RANBP2: variants seen among roughly 807,000 people sequenced by gnomAD.
RANBP2 encodes the protein RAN binding protein 2, also known as E3 SUMO-protein ligase RanBP2.
A neutral mutation model predicts 303.6 loss-of-function variants in RANBP2; 57 were observed. The ratio of observed to expected loss-of-function variants is 0.19; its 90% CI spans 0.15 to 0.23. The LOEUF is 0.23. Among genes scored for constraint, RANBP2 ranks in the 10% least tolerant of loss-of-function variants. The pLI, the probability that RANBP2 is intolerant of heterozygous loss-of-function variation, is 1.00. For missense variants in RANBP2, 3,138 were observed against 3,780.8 expected, an observed-to-expected ratio of 0.83 and a Z score of 4.46; for synonymous variants, 1,167 against 1,301.5, an observed-to-expected ratio of 0.90 and a Z score of 2.23.
At chr2:109,469,519 T>G in the RANBP2 span, among the ~76,000 whole-genome samples, 1 of 152,136 alleles carries the variant, frequency 6.6e-6, no homozygotes, top group South Asian at 2.1e-4. Flanking sequence ...CCTAATTTCA[T>G]CAAAGCACAA....
chr2:109,333,442 T>C, the RANBP2 span, among the ~76,000 whole-genome samples: 1 of 152,242 alleles, frequency 6.6e-6, no homozygotes, highest in Non-Finnish European at 1.5e-5. Flanking sequence ...CTAACCTTAG[T>C]CAGTCATCCT....
the RANBP2 span, among the ~76,000 whole-genome samples, chr2:109,293,367 C>G: frequency 6.6e-6 from 1 of 152,230 alleles, no homozygotes. Context: ...CCAGAAAAAT[C>G]TGGGAAAGGG....
the RANBP2 span, among the ~76,000 whole-genome samples, chr2:109,095,336 T>C: frequency 6.6e-6 from 1 of 152,206 alleles, no homozygotes; most frequent in African/African-American, 2.4e-5. Flanking sequence ...GGAGAAACAG[T>C]TTTACATACA....
the RANBP2 span, among the ~76,000 whole-genome samples, chr2:109,365,981 G>C: frequency 6.6e-6 from 1 of 152,108 alleles, no homozygotes. Flanking sequence ...CATGCTGCTT[G>C]CTTTCTTCCT....
chr2:108,923,153 C>A, the RANBP2 span, among the ~76,000 whole-genome samples: 1 of 152,170 alleles, frequency 6.6e-6, no homozygotes, highest in Non-Finnish European at 1.5e-5. Context: ...GGCCAACCTG[C>A]ACTAGAACCT....
chr2:109,091,899 C>T, the RANBP2 span, among the ~76,000 whole-genome samples: 1 of 152,052 alleles, frequency 6.6e-6, no homozygotes, highest in Non-Finnish European at 1.5e-5. Flanking sequence ...TTTGTAGCTC[C>T]ACCACCGAGT....
the RANBP2 span, among the ~76,000 whole-genome samples, chr2:108,974,329 C>CAAAAAAAAAAAAA: frequency 1.6e-5 from 1 of 61,496 alleles, no homozygotes; most frequent in Non-Finnish European, 2.7e-5. Flanking sequence ...GGATCCGTCT[C>CAAAAAAAAAAAAA]AAAAAAAAAA....
chr2:109,629,405 A>G, the RANBP2 span, among the ~76,000 whole-genome samples: 5 of 143,966 alleles, frequency 3.5e-5, no homozygotes, highest in Admixed American at 2.9e-4. Context: ...CAAGCTTGAA[A>G]AATTGTAAAT....
At chr2:109,433,955 G>C in the RANBP2 span, among the ~76,000 whole-genome samples, 2 of 152,258 alleles carry the variant, frequency 1.3e-5, no homozygotes, top group Non-Finnish European at 2.9e-5. Flanking sequence ...GCCTCCTGCG[G>C]CTTCTTCAGT....
chr2:108,763,189 G>A, intron 19 of RANBP2, 48 bp from the exon 20 acceptor site: 1 of 1,588,972 alleles, frequency 6.3e-7, no homozygotes, highest in South Asian at 1.1e-5. Flanking sequence ...TTAGTTATCT[G>A]TAGTTTTGTA....
chr2:109,584,239 G>C, the RANBP2 span, among the ~76,000 whole-genome samples: 1 of 152,210 alleles, frequency 6.6e-6, no homozygotes, highest in Non-Finnish European at 1.5e-5. Flanking sequence ...CACTTCGGGA[G>C]GCCGAGGTGG....
At position 108,764,220 on chromosome 2, in the gene RANBP2, T is replaced by C; in HGVS notation, c.3681T>C (p.Ser1227=). ...GNVKILRHKT[S]GKIRLLMRRE... ...TAAAAATACTGAGGCATAAAACATCTGGTAAAATTCGCCTTCTAATGAGAC... is the reference window on the plus strand; with the variant it reads ...TAAAAATACTGAGGCATAAAACATCCGGTAAAATTCGCCTTCTAATGAGAC... The change falls in exon 20 of 29, where the codon TCT becomes TCC. Residue 1227 remains serine, a synonymous_variant. Coordinates refer to ENST00000283195, the MANE Select transcript of RANBP2 (RefSeq NM_006267.5). The C allele has an allele frequency of 1.2e-6, 2 of 1,614,074 alleles. No individual in the cohort carries two copies. The highest frequency in any genetic ancestry group is 1.3e-5 in the African/African-American group (1 of 75,054).
chr2:109,733,459 A>G, the RANBP2 span, among the ~76,000 whole-genome samples: 1 of 152,318 alleles, frequency 6.6e-6, no homozygotes, highest in Non-Finnish European at 1.5e-5. Context: ...GAAAACTTAC[A>G]GCTAACATTA....
the RANBP2 span, among the ~76,000 whole-genome samples, chr2:109,234,962 G>A: frequency 6.6e-6 from 1 of 152,198 alleles, no homozygotes; most frequent in African/African-American, 2.4e-5. Flanking sequence ...CTCAGCACCT[G>A]TTGTCACCAG....
the RANBP2 span, among the ~76,000 whole-genome samples, chr2:109,447,760 T>A: frequency 6.6e-6 from 1 of 152,208 alleles, no homozygotes; most frequent in Non-Finnish European, 1.5e-5. Context: ...GGATTACTAT[T>A]AATGTGGTGC....
At chr2:109,228,148 A>T in the RANBP2 span, among the ~76,000 whole-genome samples, 1 of 152,146 alleles carries the variant, frequency 6.6e-6, no homozygotes, top group Non-Finnish European at 1.5e-5. Context: ...CAAATGATGT[A>T]CTTGCAACGT....
the RANBP2 span, among the ~76,000 whole-genome samples, chr2:109,480,367 A>C: frequency 6.6e-6 from 1 of 152,128 alleles, no homozygotes; most frequent in Non-Finnish European, 1.5e-5. Flanking sequence ...AACAGAAGAC[A>C]TAAGGCATTT....
At chr2:109,403,568 A>C in the RANBP2 span, among the ~76,000 whole-genome samples, 1 of 152,216 alleles carries the variant, frequency 6.6e-6, no homozygotes, top group Admixed American at 6.5e-5. Context: ...GGCTGACCTC[A>C]GGCCAAAGGA....
At chr2:109,070,752 G>A in the RANBP2 span, among the ~76,000 whole-genome samples, 21 of 151,856 alleles carry the variant, frequency 1.4e-4, no homozygotes, top group African/African-American at 2.2e-4. Flanking sequence ...CCCAGCTACC[G>A]GGGAGGCTGA....
Sources: gnomAD v4.1 joint callset for allele counts (sites outside exome capture counted in the v4.1 genomes callset) on GRCh38, gnomAD v4.1.1 for gene constraint, MANE v1.5 for transcripts, NCBI Gene and HGNC (gene_info 2026-07-23, HGNC 2026-07-21) for gene names.